The following ZNF573 variants were observed in gnomAD, a reference collection of about 807,000 sequenced individuals.
ZNF573 encodes the protein zinc finger protein 573.
A neutral mutation model predicts 57.4 loss-of-function variants in ZNF573; 41 were observed. The ratio of observed to expected loss-of-function variants is 0.71; its 90% CI spans 0.56 to 0.93. The LOEUF (loss-of-function observed/expected upper bound fraction) is 0.93. Among genes scored for constraint, ZNF573 ranks in the 40% least tolerant of loss-of-function variants. The probability of loss-of-function intolerance (pLI) is 0.00; values close to 1 mark genes in which losing one functional copy is unlikely to be tolerated. For synonymous variants in ZNF573, 249 were observed against 261.0 expected (o/e 0.95, Z 0.44); for missense variants, 730 against 794.8 (o/e 0.92, Z 0.98).
chr19:37,759,854 CTT>C (rs1049974063), intron 4 of ZNF573, among the ~76,000 whole-genome samples: 50 of 152,302 alleles, frequency 3.3e-4, no homozygotes, highest in African/African-American at 1.2e-3. Flanking sequence ...CTTCACTCGT[CTT>C]TGTTCATTTT....
chr19:37,747,728 G>A (rs1450904694), intron 4 of ZNF573, among the ~76,000 whole-genome samples: 2 of 150,706 alleles, frequency 1.3e-5, no homozygotes, highest in Non-Finnish European at 3.0e-5. Context: ...TTTTTGAGAT[G>A]GAGTCTCACT....
At chr19:37,740,993 T>A (rs1284506095) in intron 4 of ZNF573, among the ~76,000 whole-genome samples, 1 of 152,156 alleles carries the variant, frequency 6.6e-6, no homozygotes, top group Non-Finnish European at 1.5e-5. Flanking sequence ...CCTCACAATT[T>A]AAAAATATAT....
Position 37,738,810 on chromosome 19 carries a change from C to G in ZNF573, c.1680G>C (p.Gly560=). 2 of 1,613,880 alleles carry G rather than the reference C, an allele frequency of 1.2e-6. No homozygotes were observed. Among genetic ancestry groups the G allele is most frequent in the Non-Finnish European group, 1.7e-6 (2 of 1,179,986 alleles). ...DEKPFECKEC[G]KTFRRSSHLT... ...GGTGTGAACTACGTCTAAAGGTCTT[C>G]CCACATTCCTTACATTCAAAAGGTT... Residue 560 remains glycine (G), a synonymous_variant, in exon 5 of 5, where the codon GGG becomes GGC. Transcript: ENST00000536220.
At chr19:37,763,315 G>A (rs1237801337) in intron 4 of ZNF573, among the ~76,000 whole-genome samples, 1 of 151,612 alleles carries the variant, frequency 6.6e-6, no homozygotes, top group East Asian at 1.9e-4. Flanking sequence ...AGTTACCGGG[G>A]CTCAAGAGTG....
At position 37,738,816 on chromosome 19, in the gene ZNF573, T is replaced by A. The variant is rs1401498980; in HGVS notation, c.1674A>T (p.Glu558Asp). ...AACTACGTCTAAAGGTCTTCCCACA[T>A]TCCTTACATTCAAAAGGTTTCTCAT... Reference protein sequence around the residue: ...HTDEKPFECKECGKTFRRSSH... With the variant: ...HTDEKPFECKDCGKTFRRSSH... Residue 558 changes from glutamate (E) to aspartate (D), a missense_variant, in exon 5 of 5, where the codon GAA (glutamate) becomes GAT (aspartate). Physicochemically the swap from Glu to Asp is conservative, Grantham distance 45. Coordinates refer to ENST00000536220, the MANE Select transcript of ZNF573 (RefSeq NM_001172690.2). 6.2e-7 allele frequency: 1 copy of A among 1,613,722 alleles called. No individual in the cohort carries two copies. The highest frequency in any genetic ancestry group is 8.5e-7 in the Non-Finnish European group (1 of 1,179,982).
intron 1 of ZNF573, among the ~76,000 whole-genome samples, chr19:37,775,853 A>AAC (rs1246963457): frequency 3.3e-5 from 5 of 149,904 alleles, no homozygotes; most frequent in African/African-American, 1.2e-4. Context: ...AAAAAAAAAA[A>AAC]AAAAACCACA....
intron 4 of ZNF573, among the ~76,000 whole-genome samples, chr19:37,767,187 C>T (rs546934419): frequency 1.3e-5 from 2 of 152,256 alleles, no homozygotes; most frequent in African/African-American, 4.8e-5. Context: ...TCAACCTCCT[C>T]CTAGTTCCCC....
chr19:37,748,841 C>T (rs1025049324), intron 4 of ZNF573, among the ~76,000 whole-genome samples: 3 of 148,758 alleles, frequency 2.0e-5, no homozygotes, highest in Admixed American at 6.9e-5. Flanking sequence ...GCAGGAGAAT[C>T]GCTTGAACCC....
chr19:37,740,808 T>C, intron 4 of ZNF573: 1 of 312,224 alleles, frequency 3.2e-6, no homozygotes, highest in Non-Finnish European at 6.3e-6. Flanking sequence ...ACGCCTTAAG[T>C]CCCTGATATA....
chr19:37,739,460 A>G lies in ZNF573; in HGVS notation c.1030T>C (p.Tyr344His), dbSNP rs962537997. The G allele has an allele frequency of 5.6e-6, 9 of 1,613,954 alleles. No individual in the cohort carries two copies. The highest frequency in any genetic ancestry group is 7.6e-6 in the Non-Finnish European group (9 of 1,179,982). The change falls in exon 5 of 5, where the codon TAC becomes CAC. Residue 344 changes from tyrosine to histidine, a missense_variant. Tyr to His is a moderately conservative substitution (Grantham distance 83). Transcript: ENST00000536220. ...ECGKGYTTASYFLLHQRIHKG... is the reference protein window; with the variant it reads ...ECGKGYTTASHFLLHQRIHKG... ...TGAATTCTCTGATGTAGAAGAAAGTATGAGGCAGTGGTATAGCCCTTCCCA... is the reference window on the plus strand; with the variant it reads ...TGAATTCTCTGATGTAGAAGAAAGTGTGAGGCAGTGGTATAGCCCTTCCCA...
chr19:37,765,519 T>C (rs1345588885), intron 4 of ZNF573, among the ~76,000 whole-genome samples: 1 of 152,116 alleles, frequency 6.6e-6, no homozygotes, highest in African/African-American at 2.4e-5. Context: ...GAGACCAGCC[T>C]GACCAACATG....
intron 1 of ZNF573, among the ~76,000 whole-genome samples, chr19:37,778,819 C>G (rs1217598139): frequency 6.6e-6 from 1 of 152,178 alleles, no homozygotes; most frequent in Admixed American, 6.5e-5. Context: ...CCTGTTCACA[C>G]ACTTTAACAC....
At chr19:37,764,457 A>G (rs2045582421) in intron 4 of ZNF573, among the ~76,000 whole-genome samples, 1 of 151,478 alleles carries the variant, frequency 6.6e-6, no homozygotes, top group African/African-American at 2.4e-5. Context: ...AGTAGCTGGG[A>G]CTACAGACCA....
chr19:37,744,324 A>G (rs1275639975), intron 4 of ZNF573, among the ~76,000 whole-genome samples: 1 of 152,014 alleles, frequency 6.6e-6, no homozygotes, highest in Non-Finnish European at 1.5e-5. Context: ...GTTCCTGCTC[A>G]TGGCATGGGG....
At chr19:37,764,349 T>G (rs924543982) in intron 4 of ZNF573, among the ~76,000 whole-genome samples, 9 of 148,540 alleles carry the variant, frequency 6.1e-5, no homozygotes, top group Non-Finnish European at 1.3e-4. Flanking sequence ...TAAGACGGAG[T>G]GTCGCTCTGT....
In ZNF573 at chr19:37,770,069, C is replaced by G. The variant is rs1382503913; in HGVS notation, c.231G>C (p.Val77=). Residue 77 remains valine (V), a synonymous_variant, in exon 4 of 5, where the codon GTG becomes GTC. Coordinates refer to ENST00000536220, the MANE Select transcript of ZNF573 (RefSeq NM_001172690.2). ...LGGHSISKPV[V]VDLLERGKEP... The stretch of plus-strand genomic sequence containing the variant: ...CTTTTCCTCGCTCCAGTAAATCAAC[C>G]ACAACTGGTTTAGAAATGGAATGTC... 6.4e-7 allele frequency: 1 copy of G among 1,551,584 alleles called. No homozygotes were observed. Among genetic ancestry groups the G allele is most frequent in the Non-Finnish European group, 8.7e-7 (1 of 1,147,000 alleles).
chr19:37,753,753 C>T lies in ZNF573; in HGVS notation c.296-13559G>A, dbSNP rs572801524. Among the ~76,000 whole-genome samples the T allele has an allele frequency of 2.0e-5, 3 of 152,056 alleles. No individual in the cohort carries two copies. In the South Asian group the frequency reaches 6.2e-4, roughly 32 times the overall value. ...AAAAACAAAAAAATTTTTATAGTTG[C>T]CAGGCAAAAAGATCAAGTCACTTTG... On this transcript the variant is annotated intron_variant, in intron 4 of 4. Transcript: ENST00000536220.
Position 37,761,258 on chromosome 19 carries a change from G to A in ZNF573, c.295+8747C>T, listed in dbSNP as rs2045550163. ...ACTGTTGGAAGCTAAAATCTGTGGT[G>A]GGGATCAGGGGGTGTAAAAGTTGGA... On this transcript the variant is annotated intron_variant, in intron 4 of 4. Coordinates refer to ENST00000536220, the MANE Select transcript of ZNF573 (RefSeq NM_001172690.2). Among the ~76,000 whole-genome samples the A allele has an allele frequency of 3.9e-5, 6 of 152,250 alleles. No homozygotes were observed. In the South Asian group the frequency reaches 1.2e-3, roughly 32 times the overall value.
intron 1 of ZNF573, among the ~76,000 whole-genome samples, chr19:37,775,921 T>C (rs1313164572): frequency 6.7e-6 from 1 of 148,404 alleles, no homozygotes; most frequent in South Asian, 2.1e-4. Context: ...GGAATATACC[T>C]AATCAAGGAG....
Sources: gnomAD v4.1 joint callset for allele counts (sites outside exome capture counted in the v4.1 genomes callset) on GRCh38, gnomAD v4.1.1 for gene constraint, MANE v1.5 for transcripts, NCBI Gene and HGNC (gene_info 2026-07-23, HGNC 2026-07-21) for gene names.